The following ARL14EP variants were observed in gnomAD, a reference collection of about 807,000 sequenced individuals.
ARL14EP encodes the protein ARL14 effector protein.
In ARL14EP, 12 loss-of-function variants were observed where a neutral mutation model predicts 23.1. The ratio of observed to expected loss-of-function variants is 0.52; its 90% CI spans 0.33 to 0.84. ARL14EP has a LOEUF of 0.84. ARL14EP is among the 40% of genes least tolerant of loss of function. ARL14EP has a pLI of 0.02. For missense variants in ARL14EP, 253 were observed against 307.3 expected (o/e 0.82, Z 1.32); for synonymous variants, 97 against 102.0 (o/e 0.95, Z 0.29).
intron 3 of ARL14EP, among the ~76,000 whole-genome samples, chr11:30,335,888 CA>C (rs1436504624): frequency 6.6e-6 from 1 of 151,882 alleles, no homozygotes; most frequent in Non-Finnish European, 1.5e-5. Context: ...CTATGGGTAG[CA>C]GCTAAAAGGT....
chr11:30,328,444 T>C (rs746622313), intron 1 of ARL14EP: 1 of 152,196 alleles, frequency 6.6e-6, no homozygotes, highest in African/African-American at 2.4e-5. Flanking sequence ...GAAGAAACTT[T>C]TCTAATTATT....
intron 1 of ARL14EP, among the ~76,000 whole-genome samples, chr11:30,323,488 A>G (rs1052092245): frequency 1.3e-4 from 20 of 152,204 alleles, no homozygotes; most frequent in African/African-American, 3.4e-4. Flanking sequence ...CTTCAAAGCT[A>G]CGATTTTGAC....
intron 2 of ARL14EP, 145 bp from the exon 3 acceptor site, chr11:30,332,721 C>T (rs887501207): frequency 3.2e-5 from 29 of 916,464 alleles, no homozygotes; most frequent in Middle Eastern, 7.0e-4. Context: ...TTTTCTTGCA[C>T]TTAGGCTCTA....
chr11:30,336,710 C>T lies in ARL14EP; in HGVS notation c.698C>T (p.Ala233Val). Residue 233 changes from alanine (A) to valine (V), a missense_variant, in exon 4 of 4, where the codon GCT (alanine) becomes GTT (valine). Coordinates refer to ENST00000282032, the MANE Select transcript of ARL14EP (RefSeq NM_152316.3). ...CPACGSTKCGAECRCDRKWLY... is the reference protein window; with the variant it reads ...CPACGSTKCGVECRCDRKWLY... ...GCCTGTGGTTCTACCAAGTGTGGAG[C>T]TGAATGCCGCTGTGACCGCAAGTGG... The T allele has an allele frequency of 1.9e-6, 3 of 1,614,044 alleles. No individual in the cohort carries two copies. The highest frequency in any genetic ancestry group is 2.2e-5 in the East Asian group (1 of 44,866).
intron 1 of ARL14EP, chr11:30,330,540 CA>C: frequency 5.8e-6 from 1 of 172,878 alleles, no homozygotes; most frequent in East Asian, 1.7e-4. Flanking sequence ...TTGTAAGATA[CA>C]GTGTTTTTTG....
intron 2 of ARL14EP, 106 bp from the exon 3 acceptor site, chr11:30,332,760 A>G: frequency 7.1e-7 from 1 of 1,409,020 alleles, no homozygotes; most frequent in South Asian, 1.2e-5. Context: ...TGTGTGTTCC[A>G]GACTGTCTTC....
At chr11:30,326,187 AT>A (rs1182677357) in intron 1 of ARL14EP, among the ~76,000 whole-genome samples, 1 of 152,148 alleles carries the variant, frequency 6.6e-6, no homozygotes, top group African/African-American at 2.4e-5. Context: ...TTAAATTTAA[AT>A]TTTTTAATTG....
chr11:30,326,446 G>A (rs769395032), intron 1 of ARL14EP, among the ~76,000 whole-genome samples: 9 of 152,154 alleles, frequency 5.9e-5, no homozygotes, highest in Non-Finnish European at 1.0e-4. Context: ...TAGGTGAAAG[G>A]AACAATATGA....
At chr11:30,334,806 G>A (rs1340969532) in intron 3 of ARL14EP, among the ~76,000 whole-genome samples, 1 of 152,160 alleles carries the variant, frequency 6.6e-6, no homozygotes, top group Non-Finnish European at 1.5e-5. Flanking sequence ...CTCCTGCCTA[G>A]ATAAAAGGAT....
In ARL14EP at chr11:30,332,875, G is replaced by T. The variant is rs1202254622; in HGVS notation, c.436G>T (p.Ala146Ser). 1 of 1,613,072 alleles carries T rather than the reference G, an allele frequency of 6.2e-7. No homozygotes were observed. Among genetic ancestry groups the T allele is most frequent in the Non-Finnish European group, 8.5e-7 (1 of 1,179,416 alleles). The change falls in exon 3 of 4, where the codon GCT becomes TCT. Residue 146 changes from alanine to serine, a missense_variant. Physicochemically the swap from Ala to Ser is moderately conservative, Grantham distance 99. Transcript: ENST00000282032. ...GTTTACCTTTCTTCAGGGAAGAACT[G>T]CTAAAGCTTTGAGGTCATTACAATT... The part of the protein sequence containing the change: ...KRKPESDGRT[A>S]KALRSLQFTN...
intron 3 of ARL14EP, 41 bp from the exon 4 acceptor site, chr11:30,336,526 A>G (rs1186012211): frequency 4.7e-6 from 7 of 1,500,510 alleles, no homozygotes; most frequent in African/African-American, 4.2e-5. Flanking sequence ...ATCAAAAATA[A>G]CATATTTATG....
chr11:30,331,082 G>A lies in ARL14EP; in HGVS notation c.134G>A (p.Arg45Lys), dbSNP rs1336536635. 1 of 1,613,742 alleles carries A rather than the reference G, an allele frequency of 6.2e-7. No homozygotes were observed. The highest frequency in any genetic ancestry group is 1.3e-5 in the African/African-American group (1 of 74,908). Reference protein sequence around the residue: ...SSNDMLLLQLRTGMTLSGNNT... With the variant: ...SSNDMLLLQLKTGMTLSGNNT... The stretch of plus-strand genomic sequence containing the variant: ...AATGATATGCTTTTACTTCAACTTA[G>A]AACTGGAATGACACTTTCTGGGAAC... The change falls in exon 2 of 4, where the codon AGA becomes AAA. Residue 45 changes from arginine (R) to lysine (K), a missense_variant. Physicochemically the swap from Arg to Lys is conservative, Grantham distance 26. Transcript: ENST00000282032.
At position 30,337,070 on chromosome 11, in the gene ARL14EP, A is replaced by G; in HGVS notation, c.*275A>G. Reference sequence around the variant, plus strand: ...CATGTTTCCCATGGGCACAAATTTCAGTGACCTAGATTTAGTTTAAATACC... The same window carrying G: ...CATGTTTCCCATGGGCACAAATTTCGGTGACCTAGATTTAGTTTAAATACC... On this transcript the variant is annotated 3_prime_UTR_variant, in exon 4 of 4. Transcript: ENST00000282032. The G allele has an allele frequency of 2.5e-6, 1 of 397,732 alleles. No homozygotes were observed. The highest frequency in any genetic ancestry group is 4.6e-6 in the Non-Finnish European group (1 of 217,456). 24.6% of individuals were successfully genotyped at this position (397,732 alleles called of 1,614,324 possible). A position where few individuals can be genotyped will look rare whatever the true frequency, so the allele number is the denominator to read the frequency against.
At chr11:30,333,816 T>G (rs1210322701) in intron 3 of ARL14EP, among the ~76,000 whole-genome samples, 2 of 152,204 alleles carry the variant, frequency 1.3e-5, no homozygotes, top group African/African-American at 4.8e-5. Flanking sequence ...AAGCTGGGCC[T>G]CTTGTGCTAA....
intron 1 of ARL14EP, among the ~76,000 whole-genome samples, chr11:30,327,236 T>C (rs181230955): frequency 4.3e-4 from 66 of 152,312 alleles, no homozygotes; most frequent in Non-Finnish European, 5.9e-5. Context: ...CAGAGTCTAT[T>C]CCATTAGTTT....
In ARL14EP at chr11:30,330,895, C is replaced by G; in HGVS notation, c.-54C>G. 2.0e-6 allele frequency: 3 copies of G among 1,538,024 alleles called. No homozygotes were observed. The highest frequency in any genetic ancestry group is 2.7e-6 in the Non-Finnish European group (3 of 1,118,474). Reference sequence around the variant, plus strand: ...TTAATATTTTCTCTAGGGTGATCAGCCCATGACCTAAACCTCCAGACAAAA... The same window carrying G: ...TTAATATTTTCTCTAGGGTGATCAGGCCATGACCTAAACCTCCAGACAAAA... On this transcript the variant is annotated 5_prime_UTR_variant, in exon 2 of 4. Coordinates refer to ENST00000282032, the MANE Select transcript of ARL14EP (RefSeq NM_152316.3).
intron 1 of ARL14EP, chr11:30,330,656 A>T (rs1947274423): frequency 3.2e-6 from 1 of 313,402 alleles, no homozygotes; most frequent in Non-Finnish European, 6.0e-6. Flanking sequence ...CCTCCTTTTT[A>T]ATTCTTATGT....
intron 1 of ARL14EP, among the ~76,000 whole-genome samples, chr11:30,325,751 A>G (rs945778650): frequency 7.9e-5 from 12 of 152,338 alleles, no homozygotes; most frequent in African/African-American, 2.2e-4. Context: ...AATGACAATT[A>G]AAAGTAGACA....
rs765418162 is a variant in ARL14EP, at chr11:30,331,410, T to C, written c.426+36T>C. 7.4e-6 allele frequency: 12 copies of C among 1,613,128 alleles called. No homozygotes were observed. In the East Asian group the frequency reaches 2.5e-4, roughly 33 times the overall value. On this transcript the variant is annotated intron_variant, in intron 2 of 3. Coordinates refer to ENST00000282032, the MANE Select transcript of ARL14EP (RefSeq NM_152316.3). Reference sequence around the variant, plus strand: ...TAGTCATTTTTTTCTACATTGTGAATTCTACCATGTAGGATTTTGCTTAAC... The same window carrying C: ...TAGTCATTTTTTTCTACATTGTGAACTCTACCATGTAGGATTTTGCTTAAC...
Sources: allele counts gnomAD v4.1 joint callset (sites outside exome capture counted in the v4.1 genomes callset), GRCh38; gene constraint gnomAD v4.1.1; transcripts MANE v1.5; gene names NCBI Gene and HGNC (gene_info 2026-07-23, HGNC 2026-07-21).